The following MMP26 variants were observed in gnomAD, a reference collection of about 807,000 sequenced individuals.
The protein encoded by MMP26 is matrix metallopeptidase 26, also known as matrix metalloproteinase-26.
Under a neutral mutation model 31.0 loss-of-function variants are expected in MMP26, and 33 were observed. The observed-to-expected ratio is 1.06, with a 90% CI of 0.81 to 1.42. The LOEUF (loss-of-function observed/expected upper bound fraction) is 1.42, where lower values mean the gene tolerates loss of function less well. MMP26 is among the 40% of genes most tolerant of loss of function. The probability of loss-of-function intolerance (pLI) is 0.00; values close to 1 mark genes in which losing one functional copy is unlikely to be tolerated. For missense variants in MMP26, 347 were observed against 316.1 expected (o/e 1.10, Z -0.74); for synonymous variants, 122 against 114.9 (o/e 1.06, Z -0.40).
chr11:4,749,934 CTTAA>C (rs1211864077), intron 1 of MMP26, among the ~76,000 whole-genome samples: 1 of 152,006 alleles, frequency 6.6e-6, no homozygotes, highest in Non-Finnish European at 1.5e-5. Flanking sequence ...ATAAAGGGGA[CTTAA>C]TTAAACTATG....
At chr11:4,745,863 C>A (rs1372477579) in intron 1 of MMP26, among the ~76,000 whole-genome samples, 2 of 152,150 alleles carry the variant, frequency 1.3e-5, no homozygotes, top group Non-Finnish European at 2.9e-5. Flanking sequence ...ATACAGTATA[C>A]AGTCCTTTCA....
intron 2 of MMP26, among the ~76,000 whole-genome samples, chr11:4,800,326 C>A (rs1849164675): frequency 6.6e-6 from 1 of 152,212 alleles, no homozygotes; most frequent in African/African-American, 2.4e-5. Flanking sequence ...CACATGGAAG[C>A]TGCCAAGAGT....
intron 2 of MMP26, among the ~76,000 whole-genome samples, chr11:4,825,608 C>T (rs2133475910): frequency 6.6e-6 from 1 of 152,222 alleles, no homozygotes; most frequent in South Asian, 2.1e-4. Flanking sequence ...AAATGGAAGA[C>T]TAGATTCAGA....
chr11:4,714,899 A>ATCTCTC (rs71466199), intron 1 of MMP26, among the ~76,000 whole-genome samples: 88 of 132,572 alleles, frequency 6.6e-4, no homozygotes, highest in African/African-American at 7.8e-4. Flanking sequence ...AAAACCCCAA[A>ATCTCTC]TCTCTCTCTC....
intron 2 of MMP26, among the ~76,000 whole-genome samples, chr11:4,895,302 A>G (rs551509612): frequency 1.3e-5 from 2 of 152,274 alleles, no homozygotes; most frequent in Non-Finnish European, 1.5e-5. Context: ...CCTGTTCCAA[A>G]GTTCTTATAA....
chr11:4,797,284 T>A (rs943394938), intron 2 of MMP26, among the ~76,000 whole-genome samples: 5 of 152,130 alleles, frequency 3.3e-5, no homozygotes, highest in Non-Finnish European at 7.4e-5. Flanking sequence ...GAATGAATTT[T>A]CATCCCATGT....
chr11:4,764,050 T>C (rs1046475509), intron 1 of MMP26, among the ~76,000 whole-genome samples: 1 of 152,206 alleles, frequency 6.6e-6, no homozygotes, highest in African/African-American at 2.4e-5. Flanking sequence ...AAGATTTTAA[T>C]GTTTATTACT....
chr11:4,984,991 A>T (rs1033147162), intron 2 of MMP26, among the ~76,000 whole-genome samples: 3 of 152,094 alleles, frequency 2.0e-5, no homozygotes, highest in African/African-American at 7.2e-5. Context: ...CAAAACTACT[A>T]TAGATTTTGA....
At chr11:4,882,841 A>G (rs1297563146) in intron 2 of MMP26, 2 of 1,613,590 alleles carry the variant, frequency 1.2e-6, no homozygotes, top group Non-Finnish European at 1.7e-6. Context: ...CCAAGGGTTC[A>G]TGGGGTTTTA....
intron 2 of MMP26, among the ~76,000 whole-genome samples, chr11:4,962,555 A>G (rs1331182312): frequency 6.6e-6 from 1 of 152,154 alleles, no homozygotes; most frequent in Non-Finnish European, 1.5e-5. Context: ...ACATATCTCT[A>G]CCCCCAAACA....
intron 1 of MMP26, among the ~76,000 whole-genome samples, chr11:4,761,890 A>G: frequency 6.6e-6 from 1 of 152,250 alleles, no homozygotes; most frequent in Admixed American, 6.5e-5. Flanking sequence ...AGCAAGCTGC[A>G]ATATAGAATG....
intron 2 of MMP26, among the ~76,000 whole-genome samples, chr11:4,771,063 G>A (rs1008291199): frequency 1.3e-5 from 2 of 152,278 alleles, no homozygotes; most frequent in South Asian, 4.1e-4. Context: ...AAGAAACTTG[G>A]CAGTGAAGGC....
At chr11:4,841,420 G>T (rs1263248250) in intron 2 of MMP26, among the ~76,000 whole-genome samples, 1 of 152,132 alleles carries the variant, frequency 6.6e-6, no homozygotes, top group Non-Finnish European at 1.5e-5. Flanking sequence ...CCTAAAAGCT[G>T]CAAGAGAAAA....
intron 2 of MMP26, among the ~76,000 whole-genome samples, chr11:4,889,055 G>T (rs1177834088): frequency 6.6e-6 from 1 of 152,072 alleles, no homozygotes; most frequent in Non-Finnish European, 1.5e-5. Context: ...CATGATTTCC[G>T]TAACATTCTA....
Position 4,989,705 on chromosome 11 carries a change from A to T in MMP26, c.157A>T (p.Thr53Ser). ...GGAGTCGCCACTCCTTACCCAGGAG[A>T]CACAAACACAGCTCCTGCAACAATT... The part of the protein sequence containing the change: ...KKESPLLTQE[T>S]QTQLLQQFHR... Residue 53 changes from threonine to serine, a missense_variant, in exon 4 of 8, where the codon ACA becomes TCA. By Grantham distance (58) the Thr-to-Ser change is moderately conservative. Transcript: ENST00000380390. 6 of 1,613,846 alleles carry T rather than the reference A, an allele frequency of 3.7e-6. No homozygotes were observed. The highest frequency in any genetic ancestry group is 5.1e-6 in the Non-Finnish European group (6 of 1,180,016).
chr11:4,800,817 G>A (rs778193464), intron 2 of MMP26, among the ~76,000 whole-genome samples: 3 of 150,424 alleles, frequency 2.0e-5, no homozygotes, highest in Non-Finnish European at 4.4e-5. Context: ...TGCATGGTTT[G>A]CTGCTTAGAA....
intron 2 of MMP26, among the ~76,000 whole-genome samples, chr11:4,773,443 A>G (rs1848751392): frequency 6.6e-6 from 1 of 152,214 alleles, no homozygotes; most frequent in South Asian, 2.1e-4. Context: ...ACAGGCCACA[A>G]GGAACTAATA....
chr11:4,852,990 C>T (rs1409764980), intron 2 of MMP26, among the ~76,000 whole-genome samples: 2 of 152,052 alleles, frequency 1.3e-5, no homozygotes, highest in Non-Finnish European at 2.9e-5. Flanking sequence ...TTTGTGTGAA[C>T]TCTAACAAAG....
chr11:4,927,449 C>G (rs547637198), intron 2 of MMP26, among the ~76,000 whole-genome samples: 2 of 152,092 alleles, frequency 1.3e-5, no homozygotes, highest in Admixed American at 6.6e-5. Flanking sequence ...AATGACAAAG[C>G]TAGGACTAGA....
Sources: allele counts gnomAD v4.1 joint callset (sites outside exome capture counted in the v4.1 genomes callset), GRCh38; gene constraint gnomAD v4.1.1; transcripts MANE v1.5; gene names NCBI Gene and HGNC (gene_info 2026-07-23, HGNC 2026-07-21).